Variants in PDE4D observed in about 807,000 individuals in gnomAD.
PDE4D encodes phosphodiesterase 4D, also known as 3',5'-cyclic-AMP phosphodiesterase 4D.
Under a neutral mutation model 87.4 loss-of-function variants are expected in PDE4D, and 24 were observed. The observed-to-expected ratio is 0.27, with a 90% CI of 0.20 to 0.39. PDE4D has a LOEUF of 0.39. Among genes scored for constraint, PDE4D ranks in the 10% least tolerant of loss-of-function variants. PDE4D has a pLI of 1.00. For missense variants in PDE4D, 714 were observed against 1,041.0 expected (o/e 0.69, Z 4.32); for synonymous variants, 384 against 383.2 (o/e 1.00, Z -0.02).
intron 2 of PDE4D, among the ~76,000 whole-genome samples, chr5:60,032,371 A>G (rs1447856719): frequency 6.6e-6 from 1 of 152,134 alleles, no homozygotes; most frequent in Non-Finnish European, 1.5e-5. Context: ...CTACTTCTCT[A>G]TTGCGTTCTT....
intron 1 of PDE4D, among the ~76,000 whole-genome samples, chr5:59,350,300 A>G (rs1288030115): frequency 6.6e-6 from 1 of 152,158 alleles, no homozygotes; most frequent in East Asian, 1.9e-4. Context: ...ATTAGATGGC[A>G]TATGTATTGA....
At chr5:59,030,968 A>C (rs1008772283) in intron 6 of PDE4D, among the ~76,000 whole-genome samples, 2 of 152,088 alleles carry the variant, frequency 1.3e-5, no homozygotes, top group Non-Finnish European at 2.9e-5. Flanking sequence ...CCCAGCATCC[A>C]CTAGCCATTC....
chr5:59,921,396 T>C (rs536834461), intron 3 of PDE4D, among the ~76,000 whole-genome samples: 195 of 152,200 alleles, frequency 1.3e-3, no homozygotes, highest in African/African-American at 4.5e-3. Flanking sequence ...AATCAAAAGT[T>C]GAGGTTATTG....
At position 60,337,374 on chromosome 5, in the gene PDE4D, T is replaced by TACACACACACAC. The variant is rs1308199009; in HGVS notation, c.-90+150567_-90+150568insGTGTGTGTGTGT. Among the ~76,000 whole-genome samples the TACACACACACAC allele has an allele frequency of 1.4e-3, 168 of 118,100 alleles. 3 individuals are homozygous for TACACACACACAC. Among genetic ancestry groups the TACACACACACAC allele is most frequent in the African/African-American group, 5.6e-3 (163 of 29,166 alleles). 77.5% of individuals were successfully genotyped at this position (118,100 alleles called of 152,430 possible). A position where few individuals can be genotyped will look rare whatever the true frequency, so the allele number is the denominator to read the frequency against. ...AACTATATATATATATATATATATA[T>TACACACACACAC]ATATATATATATATACACACACACA... On this transcript the variant is annotated intron_variant, in intron 1 of 16. Transcript: ENST00000502484.
chr5:59,439,020 T>TCC (rs1202269153), intron 1 of PDE4D, among the ~76,000 whole-genome samples: 1 of 152,204 alleles, frequency 6.6e-6, no homozygotes, highest in East Asian at 1.9e-4. Context: ...CTGAGTTTAT[T>TCC]CAGCATAATT....
chr5:59,041,605 T>C (rs528135351), intron 5 of PDE4D, among the ~76,000 whole-genome samples: 30 of 152,302 alleles, frequency 2.0e-4, no homozygotes, highest in African/African-American at 6.0e-4. Context: ...AGTGCCATCT[T>C]TTCAATCATT....
chr5:59,188,290 T>C (rs757669776), intron 3 of PDE4D, among the ~76,000 whole-genome samples: 11 of 152,166 alleles, frequency 7.2e-5, no homozygotes, highest in Non-Finnish European at 5.9e-5. Context: ...AGCAGAAGTA[T>C]AGCCAGTCAA....
intron 1 of PDE4D, among the ~76,000 whole-genome samples, chr5:59,331,900 C>T (rs542274609): frequency 3.3e-5 from 5 of 152,272 alleles, no homozygotes; most frequent in Admixed American, 1.3e-4. Flanking sequence ...CTTACTTTAG[C>T]GCCAGCTTTT....
chr5:59,574,583 C>A (rs1822810000), intron 1 of PDE4D, among the ~76,000 whole-genome samples: 2 of 152,218 alleles, frequency 1.3e-5, no homozygotes, highest in Middle Eastern at 3.4e-3. Flanking sequence ...AGCATGGGAT[C>A]TTTCCCTTGC....
chr5:59,678,830 A>C (rs1748549115), intron 1 of PDE4D, among the ~76,000 whole-genome samples: 1 of 152,198 alleles, frequency 6.6e-6, no homozygotes, highest in Non-Finnish European at 1.5e-5. Context: ...TACATAAAAT[A>C]ATCTTTGCCT....
intron 1 of PDE4D, among the ~76,000 whole-genome samples, chr5:59,548,541 G>A (rs979660823): frequency 3.3e-5 from 5 of 152,120 alleles, no homozygotes; most frequent in African/African-American, 1.2e-4. Context: ...GTGGGATGGA[G>A]TCAACCCTTA....
At chr5:59,255,406 G>A (rs941951078) in intron 1 of PDE4D, among the ~76,000 whole-genome samples, 4 of 152,126 alleles carry the variant, frequency 2.6e-5, no homozygotes, top group African/African-American at 9.7e-5. Context: ...GAGCTGTGGG[G>A]TGGAAGGGAG....
At chr5:59,064,174 G>T (rs1033740499) in intron 5 of PDE4D, among the ~76,000 whole-genome samples, 21 of 151,958 alleles carry the variant, frequency 1.4e-4, no homozygotes, top group East Asian at 1.2e-3. Flanking sequence ...GAGAGACAAA[G>T]ACACTGACAA....
intron 1 of PDE4D, among the ~76,000 whole-genome samples, chr5:59,234,369 T>C (rs1755905184): frequency 6.6e-6 from 1 of 152,160 alleles, no homozygotes; most frequent in East Asian, 1.9e-4. Context: ...TGACTTATGC[T>C]TTTTTAATGA....
intron 3 of PDE4D, among the ~76,000 whole-genome samples, chr5:59,928,152 G>A (rs1382375442): frequency 6.6e-6 from 1 of 152,116 alleles, no homozygotes; most frequent in East Asian, 1.9e-4. Context: ...TAGGCCCCGA[G>A]TTCACCCAAA....
chr5:60,051,136 A>G (rs1463996546), intron 2 of PDE4D, among the ~76,000 whole-genome samples: 1 of 152,190 alleles, frequency 6.6e-6, no homozygotes, highest in Non-Finnish European at 1.5e-5. Context: ...CATCATTGAG[A>G]CAGAAAATTA....
intron 1 of PDE4D, among the ~76,000 whole-genome samples, chr5:59,423,324 C>A (rs1421774372): frequency 6.6e-6 from 1 of 152,178 alleles, no homozygotes; most frequent in Non-Finnish European, 1.5e-5. Context: ...GAGCAGTTCT[C>A]ACAATTGTAA....
intron 1 of PDE4D, among the ~76,000 whole-genome samples, chr5:59,670,468 C>G (rs1370922169): frequency 6.6e-6 from 1 of 152,086 alleles, no homozygotes; most frequent in Non-Finnish European, 1.5e-5. Flanking sequence ...CTTTGTTTCA[C>G]GTACGAAAGC....
intron 2 of PDE4D, among the ~76,000 whole-genome samples, chr5:59,202,159 C>T (rs1443021825): frequency 4.0e-5 from 6 of 150,288 alleles, no homozygotes; most frequent in African/African-American, 7.4e-5. Flanking sequence ...CCTGCCTCAG[C>T]CTCTGGAGTA....
Sources: gnomAD v4.1 joint callset for allele counts (sites outside exome capture counted in the v4.1 genomes callset) on GRCh38, gnomAD v4.1.1 for gene constraint, MANE v1.5 for transcripts, NCBI Gene and HGNC (gene_info 2026-07-23, HGNC 2026-07-21) for gene names.